EWSR1: variants seen among roughly 807,000 people sequenced by gnomAD.
EWSR1 encodes the protein RNA-binding protein EWS.
In EWSR1, 14 loss-of-function variants were observed where a neutral mutation model predicts 92.1. That is an observed-to-expected ratio of 0.15 (90% CI 0.10 to 0.24). The LOEUF is 0.24. Ranked by LOEUF, EWSR1 falls within the 10% of genes least tolerant of loss-of-function variation. EWSR1 has a pLI of 1.00. For synonymous variants in EWSR1, 303 were observed against 292.9 expected (o/e 1.03, Z -0.35); for missense variants, 637 against 870.9 (o/e 0.73, Z 3.38).
intron 6 of EWSR1, among the ~76,000 whole-genome samples, chr22:29,285,050 C>T (rs1256224682): frequency 6.7e-6 from 1 of 150,368 alleles, no homozygotes; most frequent in Non-Finnish European, 1.5e-5. Context: ...AACCCCTGAC[C>T]TCAGGTGATC....
intron 8 of EWSR1, chr22:29,290,024 A>C (rs1028963709): frequency 8.5e-6 from 2 of 235,402 alleles, no homozygotes; most frequent in Non-Finnish European, 1.7e-5. Context: ...TAGAATTCCT[A>C]GTATTTTTAA....
intron 1 of EWSR1, 122 bp from the exon 2 acceptor site, chr22:29,272,094 G>C (rs1569043308): frequency 1.2e-6 from 1 of 835,392 alleles, no homozygotes; most frequent in Non-Finnish European, 2.0e-6. Flanking sequence ...ATTTGGACCT[G>C]TGTTGGCAGG....
intron 4 of EWSR1, 54 bp from the exon 5 acceptor site, chr22:29,277,976 C>T: frequency 6.6e-7 from 1 of 1,520,718 alleles, no homozygotes; most frequent in Non-Finnish European, 9.0e-7. Context: ...TAATGAGTGT[C>T]TAGGCAGATC....
chr22:29,300,009 C>G, intron 16 of EWSR1, 113 bp from the exon 17 acceptor site: 1 of 660,664 alleles, frequency 1.5e-6, no homozygotes, highest in Non-Finnish European at 2.0e-6. Flanking sequence ...AGGGCTTCCT[C>G]ACCCCTTCCC....
intron 4 of EWSR1, among the ~76,000 whole-genome samples, chr22:29,274,744 A>G (rs920733643): frequency 6.6e-6 from 1 of 152,228 alleles, no homozygotes; most frequent in Non-Finnish European, 1.5e-5. Context: ...TATATATAAC[A>G]TTATTCCAAG....
chr22:29,297,015 A>G (rs929828490), intron 12 of EWSR1, among the ~76,000 whole-genome samples: 3 of 152,164 alleles, frequency 2.0e-5, no homozygotes, highest in Non-Finnish European at 2.9e-5. Flanking sequence ...GCACCACTGC[A>G]CTCCAACCTG....
rs562257190 is a variant in EWSR1, at chr22:29,288,950, A to ATATAT, written c.974+167_974+171dup. The ATATAT allele has an allele frequency of 5.4e-4, 359 of 669,572 alleles. 2 individuals are homozygous for ATATAT. The highest frequency in any genetic ancestry group is 5.2e-3 in the African/African-American group (279 of 53,608). 41.5% of individuals were successfully genotyped at this position (669,572 alleles called of 1,614,324 possible). On this transcript the variant is annotated intron_variant, in intron 8 of 16. Transcript: ENST00000397938. ...AACATGGAAATGTCATCTTTGTGGCATATATTAAGTGGCAGTTTATTTTCT... is the reference window on the plus strand; with the variant it reads ...AACATGGAAATGTCATCTTTGTGGCATATATTATATTAAGTGGCAGTTTATTTTCT...
At chr22:29,270,247 A>G (rs967965340) in intron 1 of EWSR1, among the ~76,000 whole-genome samples, 2 of 152,226 alleles carry the variant, frequency 1.3e-5, no homozygotes, top group Non-Finnish European at 2.9e-5. Context: ...TATCTCATGT[A>G]GAAAAGTACG....
intron 16 of EWSR1, 130 bp downstream of exon 16, chr22:29,299,981 GCACC>G: frequency 5.6e-6 from 8 of 1,431,478 alleles, no homozygotes; most frequent in South Asian, 1.3e-5. Flanking sequence ...CCAGGAAGGG[GCACC>G]TGGGGGCTCT....
At chr22:29,284,759 C>A (rs1000913017) in intron 6 of EWSR1, among the ~76,000 whole-genome samples, 4 of 151,280 alleles carry the variant, frequency 2.6e-5, no homozygotes, top group Non-Finnish European at 4.4e-5. Context: ...TGTGTCCTTA[C>A]TGTTTCTCAT....
chr22:29,270,102 T>A, intron 1 of EWSR1, among the ~76,000 whole-genome samples: 1 of 152,166 alleles, frequency 6.6e-6, no homozygotes, highest in Non-Finnish European at 1.5e-5. Flanking sequence ...ATTCCACAAA[T>A]TTGTCCTATG....
intron 11 of EWSR1, among the ~76,000 whole-genome samples, chr22:29,294,443 A>G (rs1225858451): frequency 1.3e-5 from 2 of 149,924 alleles, no homozygotes; most frequent in African/African-American, 4.9e-5. Context: ...CGTCTCTACT[A>G]TAAATACAAA....
intron 4 of EWSR1, chr22:29,275,853 C>A (rs1330585141): frequency 4.3e-6 from 1 of 231,510 alleles, no homozygotes; most frequent in Non-Finnish European, 8.5e-6. Context: ...ATATTTCTTA[C>A]CACCTTTTTC....
Position 29,268,324 on chromosome 22 carries a change from G to C in EWSR1, c.-13G>C. 6.2e-7 allele frequency: 1 copy of C among 1,613,980 alleles called. No individual in the cohort carries two copies. Among genetic ancestry groups the C allele is most frequent in the South Asian group, 1.1e-5 (1 of 91,082 alleles). ...GAGACGGACGTTGAGAGAACGAGGA[G>C]GAAGGAGAGAAAATGGCGTCCACGG... On this transcript the variant is annotated 5_prime_UTR_variant, in exon 1 of 17. Coordinates refer to ENST00000397938, the MANE Select transcript of EWSR1 (RefSeq NM_005243.4).
At chr22:29,269,382 G>C (rs1569035188) in intron 1 of EWSR1, 1 of 152,248 alleles carries the variant, frequency 6.6e-6, no homozygotes, top group Non-Finnish European at 1.5e-5. Context: ...ACTCCAAAAT[G>C]GGAGTAGAGT....
At chr22:29,274,110 C>T (rs771706630) in intron 4 of EWSR1, among the ~76,000 whole-genome samples, 3 of 152,140 alleles carry the variant, frequency 2.0e-5, no homozygotes, top group African/African-American at 7.2e-5. Flanking sequence ...AATAATCTCA[C>T]GATGAAATGG....
chr22:29,299,873 C>T (rs746060570), intron 16 of EWSR1, 22 bp downstream of exon 16: 5 of 1,532,020 alleles, frequency 3.3e-6, no homozygotes, highest in Non-Finnish European at 4.4e-6. Context: ...TGAAAAGCAG[C>T]TGTGGGCCGC....
chr22:29,280,843 T>TTGTG (rs929216836), intron 5 of EWSR1, among the ~76,000 whole-genome samples: 4 of 144,282 alleles, frequency 2.8e-5, no homozygotes, highest in Non-Finnish European at 4.6e-5. Context: ...CCAGCTAATT[T>TTGTG]TGTGTGTGTG....
chr22:29,295,579 C>T lies in EWSR1; in HGVS notation c.1165-660C>T, dbSNP rs12484754. The T allele has an allele frequency of 6.7e-5, 15 of 223,636 alleles. No individual in the cohort carries two copies. The Admixed American group carries it at 8.0e-4, about 12-fold the overall frequency. The allele number at this position is 223,636 out of a possible 1,614,324, so 13.9% of individuals were successfully genotyped here. ...AGTCAGAGGTATCAATATATATATC[C>T]TGTTGTAATCTTTTTTAAGTCCTAT... On this transcript the variant is annotated intron_variant, in intron 11 of 16. Transcript: ENST00000397938.
Sources: gnomAD v4.1 joint callset for allele counts (sites outside exome capture counted in the v4.1 genomes callset) on GRCh38, gnomAD v4.1.1 for gene constraint, MANE v1.5 for transcripts, NCBI Gene and HGNC (gene_info 2026-07-23, HGNC 2026-07-21) for gene names.